RTEL1: variants seen among roughly 807,000 people sequenced by gnomAD.
The protein encoded by RTEL1 is regulator of telomere length.
In RTEL1, 86 loss-of-function variants were observed where a neutral mutation model predicts 162.2. The ratio of observed to expected loss-of-function variants is 0.53; its 90% CI spans 0.45 to 0.63. The LOEUF is 0.63. RTEL1 is among the 30% of genes least tolerant of loss of function. The pLI is 0.00. For synonymous variants in RTEL1, 958 were observed against 717.9 expected, an observed-to-expected ratio of 1.33 and a Z score of -5.35; for missense variants, 1,941 against 1,750.2, an observed-to-expected ratio of 1.11 and a Z score of -1.95.
At chr20:63,660,398 G>C (rs1276118541) in intron 2 of RTEL1, among the ~76,000 whole-genome samples, 3 of 152,232 alleles carry the variant, frequency 2.0e-5, no homozygotes, top group Non-Finnish European at 4.4e-5. Context: ...AGTGCATCGT[G>C]CCCCTGGTTT....
rs534090321 is a variant in RTEL1 at position 63,695,725 on chromosome 20, T to C, written c.3823-53T>C. 2.0e-4 allele frequency: 319 copies of C among 1,601,778 alleles called. 2 individuals are homozygous for C. In the South Asian group the frequency reaches 2.9e-3, roughly 15 times the overall value. Reference sequence around the variant, plus strand: ...GGCTGAGGGGGAAAGGGCAGGCCCTTGTCCTGGTGGCAACGCCTGGCAGAC... The same window carrying C: ...GGCTGAGGGGGAAAGGGCAGGCCCTCGTCCTGGTGGCAACGCCTGGCAGAC... On this transcript the variant is annotated intron_variant, in intron 34 of 34. Transcript: ENST00000360203.
At chr20:63,662,008 G>A (rs2090029935) in intron 4 of RTEL1, 65 bp downstream of exon 4, 1 of 1,221,900 alleles carries the variant, frequency 8.2e-7, no homozygotes, top group South Asian at 1.2e-5. Flanking sequence ...ATGGTGCTGA[G>A]TCCACAGCCC....
intron 27 of RTEL1, 91 bp from the exon 28 acceptor site, chr20:63,691,648 CCTT>C: frequency 8.9e-7 from 1 of 1,118,310 alleles, no homozygotes; most frequent in Non-Finnish European, 1.3e-6. Flanking sequence ...GCTCAGGGCT[CCTT>C]GGGACCATCT....
At chr20:63,690,747 C>G in intron 26 of RTEL1, 58 bp from the exon 27 acceptor site, 1 of 1,529,696 alleles carries the variant, frequency 6.5e-7, no homozygotes, top group Non-Finnish European at 8.8e-7. Context: ...TTGCCACAGG[C>G]AGGGACCCCA....
chr20:63,692,568 C>G (rs890404390), intron 28 of RTEL1: 1 of 580,632 alleles, frequency 1.7e-6, no homozygotes, highest in African/African-American at 1.9e-5. Context: ...TTTGCCCATT[C>G]ACTGCTCTCA....
chr20:63,662,309 C>G (rs1037552690), intron 4 of RTEL1: 2 of 732,396 alleles, frequency 2.7e-6, no homozygotes, highest in South Asian at 3.4e-5. Context: ...GGTGTTCTGT[C>G]GGGTTCCTGT....
intron 16 of RTEL1, chr20:63,686,629 C>G (rs1336710674): frequency 6.6e-6 from 1 of 152,492 alleles, no homozygotes; most frequent in East Asian, 1.9e-4. Context: ...CTGGCTGAAG[C>G]AGCCCTTGTG....
At chr20:63,678,763 T>A (rs192231601) in intron 12 of RTEL1, among the ~76,000 whole-genome samples, 6 of 63,938 alleles carry the variant, frequency 9.4e-5, no homozygotes, top group African/African-American at 4.2e-4. Context: ...AACGGCACAC[T>A]CTCCCACGGA....
intron 12 of RTEL1, among the ~76,000 whole-genome samples, chr20:63,678,606 C>CG (rs2090408572): frequency 2.2e-5 from 3 of 139,286 alleles, no homozygotes; most frequent in Admixed American, 7.3e-5. Flanking sequence ...CACACTCCCA[C>CG]GAACAGCACA....
Position 63,662,379 on chromosome 20 carries a change from C to T in RTEL1, c.396-167C>T, listed in dbSNP as rs967551621. ...CGAATCTCCTCCCTCTGTCCAGTAC[C>T]CCCGCTCGTCTTCTAGCTCCCTCCT... On this transcript the variant is annotated intron_variant, in intron 4 of 34. Transcript: ENST00000360203. The T allele has an allele frequency of 5.8e-6, 8 of 1,388,822 alleles. No individual in the cohort carries two copies. In the East Asian group the frequency reaches 2.0e-4, roughly 35 times the overall value. 86.0% of individuals were successfully genotyped at this position (1,388,822 alleles called of 1,614,324 possible).
At chr20:63,687,190 CAG>C (rs2090614637) in intron 16 of RTEL1, 1 of 165,702 alleles carries the variant, frequency 6.0e-6, no homozygotes, top group African/African-American at 2.4e-5. Flanking sequence ...TGACGCCACT[CAG>C]AGGCTTGTGC....
intron 31 of RTEL1, 21 bp from the exon 32 acceptor site, chr20:63,694,720 G>T (rs2090926578): frequency 5.1e-6 from 8 of 1,575,988 alleles, no homozygotes; most frequent in Non-Finnish European, 6.9e-6. Context: ...GCCACTCTGA[G>T]CCATGCTACT....
intron 4 of RTEL1, 109 bp from the exon 5 acceptor site, chr20:63,662,437 C>T (rs2090038999): frequency 2.6e-6 from 4 of 1,563,702 alleles, no homozygotes; most frequent in East Asian, 2.3e-5. Context: ...ATGCTCACTT[C>T]CTCTGACCGC....
In RTEL1 at chr20:63,668,002, C is replaced by T. The variant is rs2090170696; in HGVS notation, c.699+449C>T. On this transcript the variant is annotated intron_variant, in intron 8 of 34. Coordinates refer to ENST00000360203, the MANE Select transcript of RTEL1 (RefSeq NM_001283009.2). The surrounding 1 kb of genome is among the most constrained non-coding windows in gnomAD (Gnocchi z 4.3). ...CCCCTCTTCCCAGTGCATGCCCGGC[C>T]CCACACTCACTCCCCCCACAGCATG... Among the ~76,000 whole-genome samples, 1 of 150,994 alleles carries T rather than the reference C, an allele frequency of 6.6e-6. No individual in the cohort carries two copies. Among genetic ancestry groups the T allele is most frequent in the Admixed American group, 6.6e-5 (1 of 15,178 alleles).
At chr20:63,682,393 G>A (rs756895848) in intron 14 of RTEL1, 1 of 985,224 alleles carries the variant, frequency 1.0e-6, no homozygotes, top group Non-Finnish European at 1.2e-6. Flanking sequence ...CCGGATCCTG[G>A]AACGCGGCCT....
rs1273984160 is a variant in RTEL1, at chr20:63,679,999, A to G, written c.1135+53A>G. On this transcript the variant is annotated intron_variant, in intron 13 of 34. Transcript: ENST00000360203. ...CGGGCAAATGTGGCGTAGGGGGTGC[A>G]GCAGGCCTCCATCTTGGCAGTCAGG... is the stretch of plus-strand genomic sequence containing the variant. 4 of 1,318,758 alleles carry G rather than the reference A, an allele frequency of 3.0e-6. No individual in the cohort carries two copies. The East Asian group carries it at 9.5e-5, about 31-fold the overall frequency. 81.7% of individuals were successfully genotyped at this position (1,318,758 alleles called of 1,614,324 possible). A position where few individuals can be genotyped will look rare whatever the true frequency, so the allele number is the denominator to read the frequency against.
At chr20:63,663,066 C>G (rs1402486195) in intron 6 of RTEL1, 177 bp downstream of exon 6, 5 of 655,384 alleles carry the variant, frequency 7.6e-6, no homozygotes, top group South Asian at 1.7e-5. Context: ...TGTGGAAGAG[C>G]TCACACAGTG....
At position 63,661,129 on chromosome 20, in the gene RTEL1, G is replaced by T. The variant is rs1302526490; in HGVS notation, c.103-169G>T. The stretch of plus-strand genomic sequence containing the variant: ...CTTCACGCCCTTTAGGGCAAGAGTG[G>T]GACTTGCCTGTGGACTTCTCCGCGG... On this transcript the variant is annotated intron_variant, in intron 2 of 34. Transcript: ENST00000360203. This position sits in a 1 kb window ranked among gnomAD's most constrained non-coding sequence, Gnocchi z 5.1. Among the ~76,000 whole-genome samples, 2 of 152,382 alleles carry T rather than the reference G, an allele frequency of 1.3e-5. No individual in the cohort carries two copies. Among genetic ancestry groups the T allele is most frequent in the Non-Finnish European group, 2.9e-5 (2 of 68,038 alleles).
chr20:63,686,140 C>T, intron 16 of RTEL1: 1 of 551,718 alleles, frequency 1.8e-6, no homozygotes, highest in Non-Finnish European at 3.3e-6. Context: ...AGCCAGGCCT[C>T]CCTGCTGGGA....
Sources: allele counts gnomAD v4.1 joint callset (sites outside exome capture counted in the v4.1 genomes callset), GRCh38; gene constraint gnomAD v4.1.1; non-coding constraint Gnocchi (gnomAD v3.1); transcripts MANE v1.5; gene names NCBI Gene and HGNC (gene_info 2026-07-23, HGNC 2026-07-21).